HMCN1: variants seen among roughly 807,000 people sequenced by gnomAD.
HMCN1 encodes the protein hemicentin-1.
A neutral mutation model predicts 625.9 loss-of-function variants in HMCN1; 321 were observed. The observed-to-expected ratio is 0.51, with a 90% CI of 0.47 to 0.56. The LOEUF (loss-of-function observed/expected upper bound fraction) is 0.56, where lower values mean the gene tolerates loss of function less well. Ranked by LOEUF, HMCN1 falls within the 20% of genes least tolerant of loss-of-function variation. The pLI, the probability that HMCN1 is intolerant of heterozygous loss-of-function variation, is 0.00. For synonymous variants in HMCN1, 2,425 were observed against 2,417.6 expected, an observed-to-expected ratio of 1.00 and a Z score of -0.09; for missense variants, 6,588 against 6,887.3, an observed-to-expected ratio of 0.96 and a Z score of 1.54.
chr1:186,152,616 C>G lies in HMCN1; in HGVS notation c.14897-134C>G, dbSNP rs113496028. ...TTAATTGGGAGGTTAAGTGCTATTT[C>G]AGTTCTCATCATCTATACTTATTCA... On this transcript the variant is annotated intron_variant, in intron 95 of 106. Coordinates refer to ENST00000271588, the MANE Select transcript of HMCN1 (RefSeq NM_031935.3). 54 of 1,015,616 alleles carry G rather than the reference C, an allele frequency of 5.3e-5. No individual in the cohort carries two copies. The African/African-American group carries it at 7.6e-4, about 14-fold the overall frequency. The allele number at this position is 1,015,616 out of a possible 1,614,324, so 62.9% of individuals were successfully genotyped here. A position where few individuals can be genotyped will look rare whatever the true frequency, so the allele number is the denominator to read the frequency against.
At chr1:185,916,832 C>G (rs1666727987) in intron 6 of HMCN1, among the ~76,000 whole-genome samples, 1 of 152,114 alleles carries the variant, frequency 6.6e-6, no homozygotes, top group Non-Finnish European at 1.5e-5. Flanking sequence ...GCTTCACAGT[C>G]ACTCAGGAAC....
intron 11 of HMCN1, among the ~76,000 whole-genome samples, chr1:185,957,771 G>A (rs903471436): frequency 8.5e-5 from 13 of 152,054 alleles, no homozygotes; most frequent in African/African-American, 2.2e-4. Flanking sequence ...ATTAGGCCAC[G>A]TCACCAGAGA....
chr1:185,914,532 T>C (rs1012061861), intron 6 of HMCN1, among the ~76,000 whole-genome samples: 3 of 152,196 alleles, frequency 2.0e-5, no homozygotes, highest in Admixed American at 6.5e-5. Flanking sequence ...AGTTATCTTC[T>C]ATCACTTGTC....
chr1:186,057,129 A>C, intron 45 of HMCN1, 105 bp from the exon 46 acceptor site: 1 of 928,086 alleles, frequency 1.1e-6, no homozygotes, highest in Non-Finnish European at 1.7e-6. Context: ...TCTTATTAAC[A>C]TACACTGTTT....
chr1:185,892,307 A>G (rs574617189), intron 4 of HMCN1, among the ~76,000 whole-genome samples: 1 of 151,916 alleles, frequency 6.6e-6, no homozygotes, highest in Non-Finnish European at 1.5e-5. Context: ...TTCTTCTCTC[A>G]GCTCATCAAA....
At chr1:185,796,385 A>C (rs757865519) in intron 1 of HMCN1, among the ~76,000 whole-genome samples, 1 of 152,112 alleles carries the variant, frequency 6.6e-6, no homozygotes, top group Non-Finnish European at 1.5e-5. Flanking sequence ...CCTGGTGTAC[A>C]TTGTACCCAT....
intron 56 of HMCN1, among the ~76,000 whole-genome samples, chr1:186,082,098 T>C (rs561828016): frequency 3.4e-4 from 51 of 152,186 alleles, no homozygotes; most frequent in Non-Finnish European, 6.0e-4. Flanking sequence ...TTGTGACTAT[T>C]TCTATGTGAT....
rs75684598 is a variant in HMCN1, at chr1:185,738,447, A to G, written c.268+3400A>G. ...CATGACTGGCTTCTTTCACTTTAGC[A>G]TAACATTTTCAAGGTTCATCCATGT... On this transcript the variant is annotated intron_variant, in intron 1 of 106. Transcript: ENST00000271588. Among the ~76,000 whole-genome samples, 873 of 152,334 alleles carry G rather than the reference A, an allele frequency of 5.7e-3. 3 individuals carry two copies. Among genetic ancestry groups the G allele is most frequent in the African/African-American group, 0.02 (838 of 41,566 alleles).
At chr1:185,776,314 C>A (rs533337214) in intron 1 of HMCN1, among the ~76,000 whole-genome samples, 1 of 152,126 alleles carries the variant, frequency 6.6e-6, no homozygotes, top group East Asian at 1.9e-4. Flanking sequence ...TTTTAGGGAC[C>A]ATATGCTATC....
chr1:185,938,849 G>T (rs1175044232), intron 11 of HMCN1, among the ~76,000 whole-genome samples: 2 of 152,002 alleles, frequency 1.3e-5, no homozygotes, highest in African/African-American at 4.8e-5. Context: ...AAGTCAGCCA[G>T]CCTGGTTCCT....
chr1:186,111,856 A>G (rs1660902534), intron 71 of HMCN1, among the ~76,000 whole-genome samples: 1 of 152,194 alleles, frequency 6.6e-6, no homozygotes, highest in Non-Finnish European at 1.5e-5. Context: ...AAATAAATGG[A>G]CCTGAACTGC....
At chr1:186,028,499 T>C (rs926631183) in intron 36 of HMCN1, among the ~76,000 whole-genome samples, 5 of 152,174 alleles carry the variant, frequency 3.3e-5, no homozygotes, top group Non-Finnish European at 5.9e-5. Context: ...TGGACTTACA[T>C]TGGAGCCTTT....
chr1:185,961,517 G>A (rs1650022412), intron 11 of HMCN1, among the ~76,000 whole-genome samples: 1 of 152,144 alleles, frequency 6.6e-6, no homozygotes, highest in South Asian at 2.1e-4. Flanking sequence ...CATGAAAGCT[G>A]TCTGTTTCAA....
At position 185,922,359 on chromosome 1, in the gene HMCN1, T is replaced by A. The variant is rs374001791; in HGVS notation, c.901-20T>A. 5 of 1,612,818 alleles carry A rather than the reference T, an allele frequency of 3.1e-6. No individual in the cohort carries two copies. In the African/African-American group the frequency reaches 5.3e-5, roughly 17 times the overall value. On this transcript the variant is annotated intron_variant, in intron 6 of 106. Transcript: ENST00000271588. ...ATACTGGATCAACTGCTGACCAGGT[T>A]TGTCATTAAACATTTTCAGACCTCA...
Position 186,189,994 on chromosome 1 carries a change from T to TA in HMCN1, c.*117dup, listed in dbSNP as rs397961020. 7,021 of 1,187,622 alleles carry TA rather than the reference T, an allele frequency of 5.9e-3. 286 individuals carry two copies. In the African/African-American group the frequency reaches 0.09, roughly 15 times the overall value. 73.6% of individuals were successfully genotyped at this position (1,187,622 alleles called of 1,614,324 possible). ...AATCTTGGCAGCTTGAAAATGGTGCTACACTCTGTTTTGTGTGCCTTCCTT... is the reference window on the plus strand; with the variant it reads ...AATCTTGGCAGCTTGAAAATGGTGCTAACACTCTGTTTTGTGTGCCTTCCTT... On this transcript the variant is annotated 3_prime_UTR_variant, in exon 107 of 107. Coordinates refer to ENST00000271588, the MANE Select transcript of HMCN1 (RefSeq NM_031935.3).
intron 69 of HMCN1, among the ~76,000 whole-genome samples, chr1:186,105,321 TTTCATAGCAATTTG>T (rs1183352679): frequency 6.6e-6 from 1 of 152,222 alleles, no homozygotes; most frequent in Non-Finnish European, 1.5e-5. Context: ...TCCTTTATGT[TTTCATAGCAATTTG>T]TATATACTTC....
intron 1 of HMCN1, among the ~76,000 whole-genome samples, chr1:185,830,684 C>T (rs761999909): frequency 6.6e-5 from 10 of 151,874 alleles, no homozygotes; most frequent in South Asian, 2.1e-4. Context: ...CCCAGGAGTT[C>T]GAGACCACAC....
chr1:185,777,249 C>G (rs1451159649), intron 1 of HMCN1, among the ~76,000 whole-genome samples: 1 of 152,072 alleles, frequency 6.6e-6, no homozygotes, highest in Non-Finnish European at 1.5e-5. Context: ...TCTCCATCTT[C>G]CCCTGTTCGA....
At chr1:185,738,081 C>T (rs35425624) in intron 1 of HMCN1, among the ~76,000 whole-genome samples, 36,524 of 152,008 alleles carry the variant, frequency 0.24, 4,689 homozygotes, top group Non-Finnish European at 0.29. Context: ...TTGATGTTAA[C>T]GGTGGTTAAG....
Sources: allele counts gnomAD v4.1 joint callset (sites outside exome capture counted in the v4.1 genomes callset), GRCh38; gene constraint gnomAD v4.1.1; transcripts MANE v1.5; gene names NCBI Gene and HGNC (gene_info 2026-07-23, HGNC 2026-07-21).